Variants in CDK11B observed in about 807,000 individuals in gnomAD.
CDK11B encodes cyclin-dependent kinase 11B.
In CDK11B, 37 loss-of-function variants were observed where a neutral mutation model predicts 84.0. The observed-to-expected ratio is 0.44, with a 90% CI of 0.34 to 0.58. The LOEUF is 0.58. Ranked by LOEUF, CDK11B falls within the 20% of genes least tolerant of loss-of-function variation. The pLI, the probability that CDK11B is intolerant of heterozygous loss-of-function variation, is 0.02. For synonymous variants in CDK11B, 269 were observed against 309.8 expected (o/e 0.87, Z 1.38); for missense variants, 427 against 834.0 (o/e 0.51, Z 6.01).
chr1:1,636,441 C>T lies in CDK11B; in HGVS notation c.1958G>A (p.Ser653Asn). ...CATCTTCTTGACTGCTGGGAGCTCG[C>T]TGTAGCCGGGCCAGATTTTCTCACT... Reference protein sequence around the residue: ...TPSEKIWPGYSELPAVKKMTF... With the variant: ...TPSEKIWPGYNELPAVKKMTF... Residue 653 changes from serine (S) to asparagine (N), a missense_variant, in exon 18 of 20, where the codon AGC (serine) becomes AAC (asparagine). By Grantham distance (46) the Ser-to-Asn change is conservative. This residue lies in a region of CDK11B where 170 missense variants were observed against 196.0 expected (regional missense o/e 0.87). Coordinates refer to ENST00000341832, the MANE Select transcript of CDK11B (RefSeq NM_033486.3). The T allele has an allele frequency of 6.2e-7, 1 of 1,613,154 alleles. No individual in the cohort carries two copies. The highest frequency in any genetic ancestry group is 8.5e-7 in the Non-Finnish European group (1 of 1,179,472).
chr1:1,635,674 G>A lies in CDK11B; in HGVS notation c.*90C>T, dbSNP rs1257809369. On this transcript the variant is annotated 3_prime_UTR_variant, in exon 20 of 20. Coordinates refer to ENST00000341832, the MANE Select transcript of CDK11B (RefSeq NM_033486.3). ...AAACATGGAGCACAAAGTAAGACGA[G>A]GAGTTCCGAGTCTCATCGCAGCTCC... 1.1e-5 allele frequency: 3 copies of A among 278,710 alleles called. 1 individual carries two copies. Among genetic ancestry groups the A allele is most frequent in the African/African-American group, 1.7e-4 (2 of 11,710 alleles). 17.3% of individuals were successfully genotyped at this position (278,710 alleles called of 1,614,324 possible).
At chr1:1,637,605 C>A (rs2100681607) in intron 13 of CDK11B, 92 bp from the exon 14 acceptor site, 1 of 1,608,556 alleles carries the variant, frequency 6.2e-7, no homozygotes, top group Non-Finnish European at 8.5e-7. Flanking sequence ...GTAAGGACCT[C>A]CGGTGCCACC....
intron 3 of CDK11B, among the ~76,000 whole-genome samples, chr1:1,655,075 C>A (rs1220541596): frequency 6.6e-6 from 1 of 152,110 alleles, no homozygotes; most frequent in Non-Finnish European, 1.5e-5. Context: ...GTGTGAGCCA[C>A]CACACCTGGC....
rs202189602 is a variant in CDK11B, at chr1:1,637,095, C to T, written c.1678G>A (p.Ala560Thr). The change falls in exon 15 of 20, where the codon GCC becomes ACC. Residue 560 changes from alanine to threonine, a missense_variant. By Grantham distance (58) the Ala-to-Thr change is moderately conservative. Coordinates refer to ENST00000341832, the MANE Select transcript of CDK11B (RefSeq NM_033486.3). ...LKTSNLLLSHAGILKVGDFGL... is the reference protein window; with the variant it reads ...LKTSNLLLSHTGILKVGDFGL... ...GGGGGGCTCACCTTGAGGATGCCGG[C>T]GTGGCTCAGCAGCAGGTTGGACGTC... The T allele has an allele frequency of 5.3e-5, 85 of 1,613,602 alleles. No individual in the cohort carries two copies. Among genetic ancestry groups the T allele is most frequent in the Middle Eastern group, 1.7e-4 (1 of 5,828 alleles).
At chr1:1,655,678 C>CTT (rs1570246136) in intron 2 of CDK11B, among the ~76,000 whole-genome samples, 194 bp from the exon 3 acceptor site, 1 of 152,228 alleles carries the variant, frequency 6.6e-6, no homozygotes, top group East Asian at 1.9e-4. Context: ...AATCCCAGCA[C>CTT]TTTGGGAGGC....
At chr1:1,648,635 C>T (rs1376582888) in intron 5 of CDK11B, among the ~76,000 whole-genome samples, 4 of 152,056 alleles carry the variant, frequency 2.6e-5, no homozygotes, top group Admixed American at 2.0e-4. Flanking sequence ...TCCTGGTTCA[C>T]GGAACAGATC....
At position 1,648,541 on chromosome 1, in the gene CDK11B, T is replaced by C. The variant is rs542045320; in HGVS notation, c.494+958A>G. Among the ~76,000 whole-genome samples the C allele has an allele frequency of 2.3e-4, 35 of 149,166 alleles. 1 individual carries two copies. The highest frequency in any genetic ancestry group is 8.2e-4 in the African/African-American group (32 of 39,130). On this transcript the variant is annotated intron_variant, in intron 5 of 19. Transcript: ENST00000341832. Reference sequence around the variant, plus strand: ...GCTGCCCTTCCGCTTCAGACTCCTCTCTTCCTGGAGCAGCTTGCAAGCTTT... The same window carrying C: ...GCTGCCCTTCCGCTTCAGACTCCTCCCTTCCTGGAGCAGCTTGCAAGCTTT...
rs1329922683 is a variant in CDK11B, at chr1:1,645,151, GCGCCGCTCCTCTGCC to G, written c.591_605del (p.Ala198_Arg202del). 1 of 536,604 alleles carries G rather than the reference GCGCCGCTCCTCTGCC, an allele frequency of 1.9e-6. No individual in the cohort carries two copies. The allele number at this position is 536,604 out of a possible 1,614,324, so 33.2% of individuals were successfully genotyped here. ...CTTCCCTGCGGGCCTCCCGCTCCTT[GCGCCGCTCCTCTGCC>G]CGCCGCTCGCGCTCCTTCTGCTCCC... On this transcript the variant is annotated inframe_deletion, in exon 6 of 20. Coordinates refer to ENST00000341832, the MANE Select transcript of CDK11B (RefSeq NM_033486.3).
At position 1,641,262 on chromosome 1, in the gene CDK11B, G is replaced by A. The variant is rs1003488393; in HGVS notation, c.1010-149C>T. 4.1e-5 allele frequency: 52 copies of A among 1,278,406 alleles called. 1 individual carries two copies. The highest frequency in any genetic ancestry group is 3.5e-4 in the South Asian group (25 of 70,856). 79.2% of individuals were successfully genotyped at this position (1,278,406 alleles called of 1,614,324 possible). A position where few individuals can be genotyped will look rare whatever the true frequency, so the allele number is the denominator to read the frequency against. ...GGTGGCTCACGCCTGTAATCCCAGC[G>A]CTTTGGGAGGCCAAGGCGGGTGGAT... On this transcript the variant is annotated intron_variant, in intron 9 of 19. Coordinates refer to ENST00000341832, the MANE Select transcript of CDK11B (RefSeq NM_033486.3).
At chr1:1,645,625 G>GC (rs1157624798) in intron 5 of CDK11B, 1 of 340,698 alleles carries the variant, frequency 2.9e-6, no homozygotes, top group African/African-American at 2.2e-5. Context: ...TGATCCGCCT[G>GC]CCTCCGCTTT....
At position 1,636,456 on chromosome 1, in the gene CDK11B, A is replaced by G. The variant is rs1193802370; in HGVS notation, c.1943T>C (p.Ile648Thr). Reference protein sequence around the residue: ...FKDLGTPSEKIWPGYSELPAV... With the variant: ...FKDLGTPSEKTWPGYSELPAV... Reference sequence around the variant, plus strand: ...TGGGAGCTCGCTGTAGCCGGGCCAGATTTTCTCACTAGGGGTCCCCAGATC... The same window carrying G: ...TGGGAGCTCGCTGTAGCCGGGCCAGGTTTTCTCACTAGGGGTCCCCAGATC... Residue 648 changes from isoleucine to threonine, a missense_variant, in exon 18 of 20, where the codon ATC (isoleucine) becomes ACC (threonine). By Grantham distance (89) the Ile-to-Thr change is moderately conservative (BLOSUM62 -1). Around this residue, in one of 12 missense-constraint regions of CDK11B, gnomAD observed 170 missense variants for 196.0 expected, o/e 0.87. Transcript: ENST00000341832. The G allele has an allele frequency of 6.2e-7, 1 of 1,612,724 alleles. No individual in the cohort carries two copies. The highest frequency in any genetic ancestry group is 8.5e-7 in the Non-Finnish European group (1 of 1,179,378).
chr1:1,658,239 G>A (rs1421713732), intron 1 of CDK11B, among the ~76,000 whole-genome samples: 3 of 150,008 alleles, frequency 2.0e-5, no homozygotes, highest in Non-Finnish European at 4.4e-5. Context: ...CATATACTCT[G>A]CAAGCTGAGA....
intron 5 of CDK11B, 117 bp downstream of exon 5, chr1:1,649,382 T>G: frequency 1.3e-6 from 1 of 768,528 alleles, no homozygotes; most frequent in South Asian, 1.7e-5. Context: ...ATTACAGGCG[T>G]GAGCCACCAC....
At chr1:1,653,744 G>T (rs1414817847) in intron 3 of CDK11B, among the ~76,000 whole-genome samples, 1 of 151,930 alleles carries the variant, frequency 6.6e-6, no homozygotes, top group African/African-American at 2.4e-5. Flanking sequence ...AGCACTTTGG[G>T]AGGCTGAGGC....
intron 4 of CDK11B, among the ~76,000 whole-genome samples, chr1:1,650,085 A>T (rs1179648669): frequency 1.3e-5 from 2 of 151,058 alleles, no homozygotes. Context: ...CCTGGCTAAC[A>T]CGGTGAAACC....
intron 3 of CDK11B, among the ~76,000 whole-genome samples, chr1:1,654,501 T>C (rs1181468747): frequency 1.3e-5 from 2 of 152,182 alleles, no homozygotes; most frequent in African/African-American, 2.4e-5. Flanking sequence ...CAGGCTGGTC[T>C]TGAACTCCTG....
At chr1:1,647,152 G>GT (rs1361846435) in intron 5 of CDK11B, among the ~76,000 whole-genome samples, 6 of 152,282 alleles carry the variant, frequency 3.9e-5, no homozygotes, top group East Asian at 1.9e-4. Flanking sequence ...CATTTTTCTT[G>GT]TTTTTTTCTC....
Position 1,636,394 on chromosome 1 carries a change from T to C in CDK11B, c.2005A>G (p.Asn669Asp), listed in dbSNP as rs1639289827. ...GCCCCGAAGCGCTTGCGGAGGTTGT[T>C]GTAGGGGTGCTCGCTGAAGGTCATC... ...KKMTFSEHPY[N>D]NLRKRFGALL... The change falls in exon 18 of 20, where the codon AAC becomes GAC. Residue 669 changes from asparagine to aspartate, a missense_variant. This residue lies in a region of CDK11B where 170 missense variants were observed against 196.0 expected (regional missense o/e 0.87). Coordinates refer to ENST00000341832, the MANE Select transcript of CDK11B (RefSeq NM_033486.3). 1.2e-6 allele frequency: 2 copies of C among 1,610,056 alleles called. No individual in the cohort carries two copies. The highest frequency in any genetic ancestry group is 1.7e-6 in the Non-Finnish European group (2 of 1,177,960).
intron 5 of CDK11B, among the ~76,000 whole-genome samples, chr1:1,648,877 A>G (rs1353129514): frequency 6.6e-6 from 1 of 151,938 alleles, no homozygotes; most frequent in Non-Finnish European, 1.5e-5. Flanking sequence ...CAAGGGATCC[A>G]ACCACCTCAG....
Sources: gnomAD v4.1 joint callset for allele counts (sites outside exome capture counted in the v4.1 genomes callset) on GRCh38, gnomAD v4.1.1 for gene constraint, gnomAD v4.1.1 regional missense constraint, MANE v1.5 for transcripts, NCBI Gene and HGNC (gene_info 2026-07-23, HGNC 2026-07-21) for gene names.